The following EML6 variants were observed in gnomAD, a reference collection of about 807,000 sequenced individuals.
The protein encoded by EML6 is echinoderm microtubule-associated protein-like 6.
In EML6, 154 loss-of-function variants were observed where a neutral mutation model predicts 240.1. The observed-to-expected ratio is 0.64, with a 90% CI of 0.56 to 0.73. EML6 has a LOEUF of 0.73. EML6 is among the 30% of genes least tolerant of loss of function. EML6 has a pLI of 0.00. For missense variants in EML6, 2,964 were observed against 2,474.6 expected, an observed-to-expected ratio of 1.20 and a Z score of -4.20; for synonymous variants, 1,148 against 899.0, an observed-to-expected ratio of 1.28 and a Z score of -4.95.
At chr2:54,943,536 C>G (rs1227035595) in intron 28 of EML6, among the ~76,000 whole-genome samples, 2 of 152,186 alleles carry the variant, frequency 1.3e-5, no homozygotes, top group African/African-American at 4.8e-5. Flanking sequence ...GCCTTGTAGT[C>G]TTTTCTTCAT....
chr2:54,943,281 C>A (rs1244740660), intron 28 of EML6, among the ~76,000 whole-genome samples: 1 of 152,156 alleles, frequency 6.6e-6, no homozygotes, highest in East Asian at 1.9e-4. Flanking sequence ...AGTCCCTTCT[C>A]CTATTCAAGA....
chr2:54,953,926 C>T (rs114858051), intron 31 of EML6, 57 bp from the exon 32 acceptor site: 25 of 1,316,926 alleles, frequency 1.9e-5, no homozygotes, highest in Admixed American at 5.0e-5. Context: ...ACATAAGCAT[C>T]GCCTTGGCTC....
chr2:54,790,636 T>C (rs1281277016), intron 2 of EML6, among the ~76,000 whole-genome samples: 6 of 152,018 alleles, frequency 3.9e-5, no homozygotes, highest in Non-Finnish European at 7.4e-5. Flanking sequence ...GACGTACTTA[T>C]CACCAGGCTT....
intron 12 of EML6, among the ~76,000 whole-genome samples, chr2:54,861,362 G>C (rs1208503962): frequency 2.6e-5 from 4 of 152,190 alleles, no homozygotes; most frequent in East Asian, 1.9e-4. Flanking sequence ...AAAATGAAGA[G>C]GTAGAGGTAC....
intron 2 of EML6, among the ~76,000 whole-genome samples, chr2:54,767,327 T>G (rs142397160): frequency 6.6e-6 from 1 of 152,264 alleles, no homozygotes; most frequent in East Asian, 1.9e-4. Context: ...ACATAGATAT[T>G]GTTTTGCCTT....
chr2:54,842,672 C>A lies in EML6; in HGVS notation c.848-1375C>A, dbSNP rs558372463. The stretch of plus-strand genomic sequence containing the variant: ...GGAAATTGATATTGCTTCTGTATTT[C>A]TAATTCGGATTCAAAAACTCACTGC... On this transcript the variant is annotated intron_variant, in intron 7 of 41. Coordinates refer to ENST00000356458, the MANE Select transcript of EML6 (RefSeq NM_001039753.4). Among the ~76,000 whole-genome samples the A allele has an allele frequency of 2.0e-5, 3 of 152,294 alleles. No individual in the cohort carries two copies. In the South Asian group the frequency reaches 6.2e-4, roughly 32 times the overall value.
chr2:54,800,189 G>T (rs1007255025), intron 2 of EML6, among the ~76,000 whole-genome samples: 1 of 151,026 alleles, frequency 6.6e-6, no homozygotes, highest in Non-Finnish European at 1.5e-5. Context: ...AGGTTGCAGT[G>T]AGCCGAGATC....
intron 18 of EML6, among the ~76,000 whole-genome samples, chr2:54,891,415 G>A (rs1672462161): frequency 6.6e-6 from 1 of 152,124 alleles, no homozygotes; most frequent in South Asian, 2.1e-4. Flanking sequence ...TTAGTCATCT[G>A]TTCTGAAAGC....
chr2:54,917,012 A>T (rs2104322837), intron 26 of EML6, 77 bp downstream of exon 26: 2 of 1,172,846 alleles, frequency 1.7e-6, no homozygotes, highest in Non-Finnish European at 1.2e-6. Flanking sequence ...GTGCATTTTT[A>T]AAAATTTGAA....
chr2:54,826,913 C>CT (rs201939277), intron 5 of EML6, among the ~76,000 whole-genome samples: 1,940 of 152,246 alleles, frequency 0.013, 39 homozygotes, highest in African/African-American at 0.044. Context: ...TGGCTCACAC[C>CT]TGTAATTCTA....
intron 23 of EML6, 25 bp from the exon 24 acceptor site, chr2:54,903,346 G>T: frequency 1.9e-6 from 3 of 1,549,246 alleles, no homozygotes; most frequent in Non-Finnish European, 2.6e-6. Flanking sequence ...ATGCTTCGAT[G>T]TTAACCCCAC....
At position 54,853,700 on chromosome 2, in the gene EML6, C is replaced by G; in HGVS notation, c.1502C>G (p.Thr501Arg). The change falls in exon 11 of 42, where the codon ACA becomes AGA. Residue 501 changes from threonine (T) to arginine (R), a missense_variant. Physicochemically the swap from Thr to Arg is moderately conservative, Grantham distance 71. Transcript: ENST00000356458. ...EIKGIPWASW[T>R]CVKGPEVSGI... ...AAAGGGATTCCTTGGGCCTCCTGGA[C>G]ATGCGTGAAAGGCCCTGAAGTGAGT... 6.4e-7 allele frequency: 1 copy of G among 1,550,870 alleles called. No homozygotes were observed. Among genetic ancestry groups the G allele is most frequent in the Non-Finnish European group, 8.7e-7 (1 of 1,146,500 alleles).
At chr2:54,813,942 C>A (rs920898806) in intron 3 of EML6, among the ~76,000 whole-genome samples, 6 of 152,210 alleles carry the variant, frequency 3.9e-5, no homozygotes, top group African/African-American at 1.2e-4. Context: ...CCTCTCCTTT[C>A]CATTCTTCCT....
chr2:54,866,661 A>G (rs1670985226), intron 13 of EML6, 105 bp from the exon 14 acceptor site: 3 of 564,772 alleles, frequency 5.3e-6, no homozygotes. Context: ...GTTTTCAAAG[A>G]CATTTTATTG....
chr2:54,733,554 G>C (rs937728887), intron 2 of EML6, among the ~76,000 whole-genome samples: 1 of 152,174 alleles, frequency 6.6e-6, no homozygotes, highest in Non-Finnish European at 1.5e-5. Context: ...AAGTGTCCCT[G>C]TGCATCACAG....
chr2:54,885,494 C>T (rs1221720811), intron 17 of EML6, among the ~76,000 whole-genome samples: 1 of 152,060 alleles, frequency 6.6e-6, no homozygotes, highest in Non-Finnish European at 1.5e-5. Flanking sequence ...TTATGGTTAT[C>T]TGGTTGATTT....
rs1031345950 is a variant in EML6, at chr2:54,847,357, G to C, written c.1050-129G>C. The C allele has an allele frequency of 6.7e-6, 6 of 897,232 alleles. No individual in the cohort carries two copies. In the South Asian group the frequency reaches 7.3e-5, roughly 11 times the overall value. The allele number at this position is 897,232 out of a possible 1,614,324, so 55.6% of individuals were successfully genotyped here. A position where few individuals can be genotyped will look rare whatever the true frequency, so the allele number is the denominator to read the frequency against. On this transcript the variant is annotated intron_variant, in intron 8 of 41. Coordinates refer to ENST00000356458, the MANE Select transcript of EML6 (RefSeq NM_001039753.4). ...ACTCGCTGACAGGCCATGATAAAGG[G>C]CTCTGGTGTGAAGTTCCTATGTCTT...
intron 2 of EML6, among the ~76,000 whole-genome samples, chr2:54,804,976 G>A (rs1056074737): frequency 1.1e-4 from 16 of 152,040 alleles, no homozygotes; most frequent in African/African-American, 3.6e-4. Context: ...TGTAGCTTTA[G>A]GTTATATTTT....
At chr2:54,935,519 A>G (rs1675091350) in intron 28 of EML6, among the ~76,000 whole-genome samples, 1 of 152,246 alleles carries the variant, frequency 6.6e-6, no homozygotes, top group South Asian at 2.1e-4. Flanking sequence ...AACCAAATCA[A>G]TGTCAAGAAT....
Sources: allele counts gnomAD v4.1 joint callset (sites outside exome capture counted in the v4.1 genomes callset), GRCh38; gene constraint gnomAD v4.1.1; transcripts MANE v1.5; gene names NCBI Gene and HGNC (gene_info 2026-07-23, HGNC 2026-07-21).